LRBA: variants seen among roughly 807,000 people sequenced by gnomAD.
LRBA encodes the protein lipopolysaccharide-responsive and beige-like anchor protein.
Under a neutral mutation model 330.0 loss-of-function variants are expected in LRBA, and 176 were observed. That is an observed-to-expected ratio of 0.53 (90% confidence interval 0.47 to 0.60). The LOEUF (loss-of-function observed/expected upper bound fraction) is 0.60, where lower values mean the gene tolerates loss of function less well. LRBA is among the 20% of genes least tolerant of loss of function. The probability of loss-of-function intolerance (pLI) is 0.00; values close to 1 mark genes in which losing one functional copy is unlikely to be tolerated. For synonymous variants in LRBA, 1,230 were observed against 1,193.0 expected (o/e 1.03, Z -0.64); for missense variants, 3,259 against 3,444.8 (o/e 0.95, Z 1.35).
At chr4:150,544,316 C>T (rs539958748) in intron 40 of LRBA, among the ~76,000 whole-genome samples, 53 of 152,022 alleles carry the variant, frequency 3.5e-4, no homozygotes, top group African/African-American at 1.2e-3. Flanking sequence ...TTAGTAGTGA[C>T]GGAGTTTTGC....
At chr4:150,980,285 CA>C (rs911698130) in intron 2 of LRBA, among the ~76,000 whole-genome samples, 1 of 151,410 alleles carries the variant, frequency 6.6e-6, no homozygotes, top group African/African-American at 2.4e-5. Context: ...CTCACCGTGA[CA>C]AAAAAAACCC....
chr4:150,308,729 C>T (rs62344543), intron 52 of LRBA, among the ~76,000 whole-genome samples: 29,474 of 151,620 alleles, frequency 0.19, 3,505 homozygotes, highest in Non-Finnish European at 0.27. Context: ...TTTTTGTCTT[C>T]GTTTTCTAAA....
intron 47 of LRBA, among the ~76,000 whole-genome samples, chr4:150,396,092 G>T (rs1194750272): frequency 6.6e-6 from 1 of 152,052 alleles, no homozygotes; most frequent in Non-Finnish European, 1.5e-5. Context: ...ATCTGAATCA[G>T]CACACTAAAC....
At chr4:150,719,143 G>T (rs1165766188) in intron 36 of LRBA, among the ~76,000 whole-genome samples, 2 of 151,984 alleles carry the variant, frequency 1.3e-5, no homozygotes, top group Non-Finnish European at 2.9e-5. Context: ...ATACTTTTCA[G>T]ATCAAATCAA....
intron 4 of LRBA, among the ~76,000 whole-genome samples, chr4:150,925,630 ACT>A (rs1450671854): frequency 1.3e-5 from 2 of 152,140 alleles, no homozygotes; most frequent in Non-Finnish European, 2.9e-5. Flanking sequence ...CAATATCAAT[ACT>A]GTTTTAATGT....
At chr4:150,674,896 C>T (rs1782396369) in intron 37 of LRBA, among the ~76,000 whole-genome samples, 2 of 151,932 alleles carry the variant, frequency 1.3e-5, no homozygotes, top group South Asian at 4.2e-4. Context: ...ACCACAAGAA[C>T]AAAAACCAAA....
At chr4:150,679,926 C>T (rs866983015) in intron 37 of LRBA, among the ~76,000 whole-genome samples, 2 of 152,102 alleles carry the variant, frequency 1.3e-5, no homozygotes, top group Non-Finnish European at 2.9e-5. Flanking sequence ...CAATGAAGGA[C>T]GATATGAGAA....
chr4:150,982,677 C>A (rs1740989084), intron 2 of LRBA, among the ~76,000 whole-genome samples: 1 of 151,040 alleles, frequency 6.6e-6, no homozygotes, highest in African/African-American at 2.4e-5. Context: ...CACCACATTT[C>A]CCCTTCTGGA....
chr4:150,870,447 T>A, intron 20 of LRBA, 78 bp downstream of exon 20: 1 of 784,386 alleles, frequency 1.3e-6, no homozygotes. Flanking sequence ...TTCAACAACA[T>A]CAATTTTAGG....
Position 150,467,700 on chromosome 4 carries a change from C to A in LRBA, c.6753G>T (p.Leu2251Phe). Residue 2251 changes from leucine (L) to phenylalanine (F), a missense_variant, in exon 44 of 57, where the codon TTG becomes TTT. Coordinates refer to ENST00000651943, the MANE Select transcript of LRBA (RefSeq NM_001364905.1). ...NYESEELDLT[L>F]PTNFRDLSKP... ...TGGACAAATCTCTGAAGTTGGTGGG[C>A]AAGGTAAGATCCAGTTCTTCTGATT... The A allele has an allele frequency of 6.2e-7, 1 of 1,603,608 alleles. No homozygotes were observed. The highest frequency in any genetic ancestry group is 8.5e-7 in the Non-Finnish European group (1 of 1,172,406).
At chr4:150,413,635 G>A (rs1747326269) in intron 47 of LRBA, among the ~76,000 whole-genome samples, 1 of 152,156 alleles carries the variant, frequency 6.6e-6, no homozygotes, top group South Asian at 2.1e-4. Flanking sequence ...AGCAGAGGCT[G>A]ACTATAAAGA....
At chr4:150,506,527 AC>A (rs1189982650) in intron 40 of LRBA, among the ~76,000 whole-genome samples, 6 of 152,086 alleles carry the variant, frequency 3.9e-5, no homozygotes, top group Admixed American at 6.5e-5. Flanking sequence ...AAATTCAACA[AC>A]CCTTCATGCT....
intron 44 of LRBA, among the ~76,000 whole-genome samples, chr4:150,440,593 T>A (rs12511109): frequency 6.6e-6 from 1 of 151,958 alleles, no homozygotes; most frequent in African/African-American, 2.4e-5. Flanking sequence ...CTGGACAACA[T>A]GATGAGATCC....
intron 36 of LRBA, among the ~76,000 whole-genome samples, chr4:150,703,039 T>G (rs1012936532): frequency 2.0e-5 from 3 of 152,150 alleles, no homozygotes; most frequent in Admixed American, 6.5e-5. Context: ...TGGACGCCTG[T>G]GATCCCAGCT....
At chr4:150,908,566 A>G in intron 10 of LRBA, 94 bp downstream of exon 10, 1 of 1,434,636 alleles carries the variant, frequency 7.0e-7, no homozygotes, top group Admixed American at 2.1e-5. Context: ...TATAAACGTG[A>G]CATTCCATGT....
rs540438612 is a variant in LRBA, at chr4:150,593,198, C to T, written c.6047-2339G>A. Among the ~76,000 whole-genome samples the T allele has an allele frequency of 2.7e-3, 403 of 151,992 alleles. 1 individual carries two copies. The highest frequency in any genetic ancestry group is 6.8e-3 in the Middle Eastern group (2 of 294). On this transcript the variant is annotated intron_variant, in intron 38 of 56. Coordinates refer to ENST00000651943, the MANE Select transcript of LRBA (RefSeq NM_001364905.1). The stretch of plus-strand genomic sequence containing the variant: ...GTAAATTATAATAAATTATTATTTT[C>T]CAGTTAGATTTTAGTACAGAATAAG...
intron 47 of LRBA, among the ~76,000 whole-genome samples, chr4:150,404,271 A>C (rs1745881744): frequency 6.6e-6 from 1 of 152,196 alleles, no homozygotes; most frequent in South Asian, 2.1e-4. Context: ...CTCTAAAATG[A>C]ATTAGATCAG....
chr4:150,692,123 C>T (rs562821750), intron 36 of LRBA, among the ~76,000 whole-genome samples: 4 of 152,170 alleles, frequency 2.6e-5, no homozygotes, highest in Non-Finnish European at 2.9e-5. Context: ...CACAGATATA[C>T]ACCTTTATCA....
At chr4:150,851,822 T>A in intron 23 of LRBA, 63 bp downstream of exon 23, 1 of 1,441,678 alleles carries the variant, frequency 6.9e-7, no homozygotes, top group Non-Finnish European at 9.2e-7. Flanking sequence ...AATTTAAGTA[T>A]ATACACTTGC....
Sources: allele counts gnomAD v4.1 joint callset (sites outside exome capture counted in the v4.1 genomes callset), GRCh38; gene constraint gnomAD v4.1.1; transcripts MANE v1.5; gene names NCBI Gene and HGNC (gene_info 2026-07-23, HGNC 2026-07-21).